The following APP variants were observed in gnomAD, a reference collection of about 807,000 sequenced individuals.
APP encodes amyloid beta precursor protein.
APP carries 31 observed loss-of-function variants against 101.4 expected under a neutral mutation model. The observed-to-expected ratio is 0.31, with a 90% CI of 0.23 to 0.41. APP has a LOEUF of 0.41. Among genes scored for constraint, APP ranks in the 10% least tolerant of loss-of-function variants. The probability of loss-of-function intolerance (pLI) is 1.00; values close to 1 mark genes in which losing one functional copy is unlikely to be tolerated. For missense variants in APP, 839 were observed against 1,003.7 expected, an observed-to-expected ratio of 0.84 and a Z score of 2.22; for synonymous variants, 366 against 364.4, an observed-to-expected ratio of 1.00 and a Z score of -0.05.
intron 11 of APP, 98 bp from the exon 12 acceptor site, chr21:25,955,853 T>C (rs1170041508): frequency 2.5e-5 from 39 of 1,569,528 alleles, no homozygotes; most frequent in East Asian, 6.8e-5. Context: ...CATCCGGTCA[T>C]GTGAACGTAC....
At chr21:26,045,063 G>A (rs1291377453) in intron 5 of APP, among the ~76,000 whole-genome samples, 1 of 152,096 alleles carries the variant, frequency 6.6e-6, no homozygotes, top group Non-Finnish European at 1.5e-5. Flanking sequence ...AATGCCCAAG[G>A]CAGGAATCTC....
chr21:26,125,265 C>T (rs943714169), intron 1 of APP, among the ~76,000 whole-genome samples: 1 of 152,062 alleles, frequency 6.6e-6, no homozygotes, highest in African/African-American at 2.4e-5. Context: ...GCGGGGGCCC[C>T]AGGACAACTT....
chr21:25,977,549 A>G (rs550378887), intron 9 of APP, among the ~76,000 whole-genome samples: 151 of 152,330 alleles, frequency 9.9e-4, no homozygotes, highest in African/African-American at 3.4e-3. Context: ...AGACAATACT[A>G]TATCAAATCA....
At chr21:26,131,734 T>G (rs886421763) in intron 1 of APP, among the ~76,000 whole-genome samples, 1 of 152,178 alleles carries the variant, frequency 6.6e-6, no homozygotes, top group South Asian at 2.1e-4. Context: ...CCAACTGTTC[T>G]CATCAGTGAG....
At chr21:26,062,873 C>T (rs1436528233) in intron 3 of APP, among the ~76,000 whole-genome samples, 1 of 151,982 alleles carries the variant, frequency 6.6e-6, no homozygotes, top group South Asian at 2.1e-4. Flanking sequence ...GGTGATCCTC[C>T]CACCTCAGCT....
intron 1 of APP, among the ~76,000 whole-genome samples, chr21:26,132,489 T>C (rs1482889542): frequency 1.4e-5 from 2 of 147,242 alleles, no homozygotes; most frequent in Non-Finnish European, 3.0e-5. Context: ...ATAGGCACTC[T>C]TTTAAGAAAT....
chr21:26,054,633 T>C (rs1022171023), intron 3 of APP, among the ~76,000 whole-genome samples: 1 of 145,874 alleles, frequency 6.9e-6, no homozygotes, highest in Non-Finnish European at 1.5e-5. Context: ...TTTTTTTTTT[T>C]TTTTTTTTTT....
At chr21:25,940,861 A>G (rs2040547926) in intron 13 of APP, among the ~76,000 whole-genome samples, 1 of 152,164 alleles carries the variant, frequency 6.6e-6, no homozygotes, top group South Asian at 2.1e-4. Context: ...GCTCAGCCCC[A>G]TCCCTAGCTT....
intron 5 of APP, among the ~76,000 whole-genome samples, chr21:26,028,778 T>C (rs2044693487): frequency 1.3e-5 from 2 of 152,142 alleles, no homozygotes; most frequent in African/African-American, 2.4e-5. Flanking sequence ...GTAGTGAAGA[T>C]AAAGCACTCA....
intron 8 of APP, among the ~76,000 whole-genome samples, chr21:25,986,615 G>A (rs1332896226): frequency 2.2e-5 from 3 of 133,764 alleles, no homozygotes; most frequent in African/African-American, 9.8e-5. Flanking sequence ...CAGGAGAATC[G>A]CTTGAACCTG....
chr21:25,896,418 T>TCACACA (rs149942292), intron 16 of APP, among the ~76,000 whole-genome samples: 39 of 149,456 alleles, frequency 2.6e-4, no homozygotes, highest in African/African-American at 8.3e-4. Flanking sequence ...AAAGTAACAC[T>TCACACA]CACACACACA....
At chr21:25,889,151 G>A (rs1200579994) in intron 17 of APP, among the ~76,000 whole-genome samples, 2 of 152,208 alleles carry the variant, frequency 1.3e-5, no homozygotes, top group Non-Finnish European at 2.9e-5. Flanking sequence ...TAAGCTGCCA[G>A]TACCTCCACC....
chr21:26,010,798 G>A (rs1156528094), intron 6 of APP, among the ~76,000 whole-genome samples: 2 of 123,846 alleles, frequency 1.6e-5, no homozygotes, highest in Non-Finnish European at 3.2e-5. Context: ...TCCAGCCTGG[G>A]TGACAGAGTG....
At position 26,002,072 on chromosome 21, in the gene APP, C is replaced by T. The variant is rs1049412011; in HGVS notation, c.866-1890G>A. On this transcript the variant is annotated intron_variant, in intron 6 of 17. Coordinates refer to ENST00000346798, the MANE Select transcript of APP (RefSeq NM_000484.4). ...ACAGAAATCCAATTTGCTTTGGGAG[C>T]GTGGACTTTGAAAGCAGCAGTACTG... 2.0e-5 allele frequency among the ~76,000 whole-genome samples: 3 copies of T among 152,170 alleles called. No homozygotes were observed. The South Asian group carries it at 6.2e-4, about 32-fold the overall frequency.
At chr21:25,987,926 A>C (rs28572218) in intron 8 of APP, among the ~76,000 whole-genome samples, 1,763 of 152,316 alleles carry the variant, frequency 0.012, 31 homozygotes, top group African/African-American at 0.04. Flanking sequence ...TTACCACAAG[A>C]ATTTTTTAAA....
chr21:26,024,863 T>C (rs1349229247), intron 5 of APP, among the ~76,000 whole-genome samples: 2 of 152,196 alleles, frequency 1.3e-5, no homozygotes, highest in African/African-American at 4.8e-5. Flanking sequence ...AGTGAAGACA[T>C]CCGAAGAAGT....
At chr21:26,111,930 C>G in intron 2 of APP, 49 bp downstream of exon 2, 2 of 1,607,418 alleles carry the variant, frequency 1.2e-6, no homozygotes, top group Non-Finnish European at 8.5e-7. Context: ...TTTTTGAAAA[C>G]AAATGCATGT....
chr21:25,928,003 G>A (rs908332408), intron 13 of APP, among the ~76,000 whole-genome samples: 4 of 152,110 alleles, frequency 2.6e-5, no homozygotes, highest in African/African-American at 7.2e-5. Flanking sequence ...CTACATTAGG[G>A]AGTCTTGGTC....
chr21:26,064,878 G>A (rs896636070), intron 3 of APP, among the ~76,000 whole-genome samples: 1 of 152,166 alleles, frequency 6.6e-6, no homozygotes, highest in South Asian at 2.1e-4. Context: ...GTTTGAAACA[G>A]AGTCTCATTC....
Sources: gnomAD v4.1 joint callset for allele counts (sites outside exome capture counted in the v4.1 genomes callset) on GRCh38, gnomAD v4.1.1 for gene constraint, MANE v1.5 for transcripts, NCBI Gene and HGNC (gene_info 2026-07-23, HGNC 2026-07-21) for gene names.